Variants in TDRD10 observed in about 807,000 individuals in gnomAD.
TDRD10 encodes tudor domain-containing protein 10.
A neutral mutation model predicts 48.0 loss-of-function variants in TDRD10; 40 were observed. That is an observed-to-expected ratio of 0.83 (90% confidence interval 0.65 to 1.09). TDRD10 has a LOEUF of 1.09. Ranked by LOEUF, TDRD10 falls within the 50% of genes least tolerant of loss-of-function variation. The pLI, the probability that TDRD10 is intolerant of heterozygous loss-of-function variation, is 0.00. For synonymous variants in TDRD10, 162 were observed against 170.4 expected (o/e 0.95, Z 0.38); for missense variants, 378 against 434.7 (o/e 0.87, Z 1.16).
At chr1:154,504,512 T>C (rs1224734571) in intron 1 of TDRD10, among the ~76,000 whole-genome samples, 1 of 152,254 alleles carries the variant, frequency 6.6e-6, no homozygotes, top group Non-Finnish European at 1.5e-5. Context: ...TGTTTCTTCA[T>C]GTCCTCAATA....
intron 6 of TDRD10, among the ~76,000 whole-genome samples, chr1:154,523,879 G>A (rs925550493): frequency 1.3e-5 from 2 of 152,048 alleles, no homozygotes; most frequent in Non-Finnish European, 2.9e-5. Context: ...GACCTGTTTT[G>A]GAATTCTCTG....
chr1:154,524,005 C>T (rs1036846359), intron 6 of TDRD10, among the ~76,000 whole-genome samples: 2 of 152,068 alleles, frequency 1.3e-5, no homozygotes, highest in African/African-American at 4.8e-5. Context: ...TGGACTTTTT[C>T]ATCTTTTCAC....
intron 6 of TDRD10, among the ~76,000 whole-genome samples, chr1:154,540,317 G>C (rs1363645964): frequency 1.3e-5 from 2 of 151,940 alleles, no homozygotes; most frequent in Admixed American, 6.6e-5. Context: ...AGCTTGGCTT[G>C]CTGATGAATT....
In TDRD10 at chr1:154,544,486, C is replaced by T. The variant is rs1695440086; in HGVS notation, c.766C>T (p.His256Tyr). The T allele has an allele frequency of 6.2e-7, 1 of 1,613,722 alleles. No homozygotes were observed. Among genetic ancestry groups the T allele is most frequent in the Admixed American group, 1.7e-5 (1 of 59,978 alleles). Residue 256 changes from histidine to tyrosine, a missense_variant, in exon 10 of 13, where the codon CAC becomes TAC. By Grantham distance (83) the His-to-Tyr change is moderately conservative. Coordinates refer to ENST00000368482, the MANE Select transcript of TDRD10 (RefSeq NM_182499.4). ...MRGTRCLAEY[H>Y]LGDYGHAWNR... ...CGGGACTCGCTGTCTGGCAGAGTAC[C>T]ACCTGGGGGATTATGGACACGCCTG...
At chr1:154,532,747 C>G (rs1694704150) in intron 6 of TDRD10, among the ~76,000 whole-genome samples, 1 of 152,166 alleles carries the variant, frequency 6.6e-6, no homozygotes, top group South Asian at 2.1e-4. Context: ...TTGTATACAC[C>G]TTGTGTTTTA....
intron 6 of TDRD10, among the ~76,000 whole-genome samples, chr1:154,536,713 C>T (rs971267382): frequency 2.0e-5 from 3 of 152,164 alleles, no homozygotes; most frequent in South Asian, 2.1e-4. Flanking sequence ...TCCATCCTTT[C>T]GATGAGATGG....
intron 6 of TDRD10, among the ~76,000 whole-genome samples, chr1:154,541,182 A>G (rs558439458): frequency 6.6e-6 from 1 of 151,892 alleles, no homozygotes; most frequent in East Asian, 1.9e-4. Context: ...CGGGAGGGAG[A>G]CAGTGCTGGA....
At chr1:154,527,596 G>A (rs891978060) in intron 6 of TDRD10, among the ~76,000 whole-genome samples, 2 of 152,092 alleles carry the variant, frequency 1.3e-5, no homozygotes, top group Non-Finnish European at 2.9e-5. Flanking sequence ...TGTCCTACTG[G>A]ATATGATCTC....
chr1:154,532,486 C>T (rs1694687836), intron 6 of TDRD10, among the ~76,000 whole-genome samples: 1 of 152,178 alleles, frequency 6.6e-6, no homozygotes, highest in African/African-American at 2.4e-5. Flanking sequence ...CCGAGGGAGC[C>T]AGCTCTGGCC....
At chr1:154,544,285 G>A in intron 9 of TDRD10, 87 bp from the exon 10 acceptor site, 6 of 1,543,254 alleles carry the variant, frequency 3.9e-6, no homozygotes, top group Non-Finnish European at 4.4e-6. Flanking sequence ...GGACGGATTA[G>A]CGGTGCTAAC....
chr1:154,505,832 C>T (rs1369656668), intron 1 of TDRD10, among the ~76,000 whole-genome samples: 2 of 152,194 alleles, frequency 1.3e-5, no homozygotes, highest in Non-Finnish European at 1.5e-5. Flanking sequence ...AAAATAAACA[C>T]AATAGCTACC....
At chr1:154,543,902 C>T (rs907124847) in intron 8 of TDRD10, 61 bp from the exon 9 acceptor site, 9 of 1,597,578 alleles carry the variant, frequency 5.6e-6, no homozygotes, top group African/African-American at 2.7e-5. Context: ...TTGGTCCAGT[C>T]GTTCCTTTCC....
intron 4 of TDRD10, among the ~76,000 whole-genome samples, chr1:154,517,927 C>T (rs1344414994): frequency 6.6e-6 from 1 of 152,218 alleles, no homozygotes; most frequent in Non-Finnish European, 1.5e-5. Context: ...AGGGGACTGA[C>T]TTGCACTCCC....
intron 12 of TDRD10, 61 bp from the exon 13 acceptor site, chr1:154,547,617 G>T (rs374717360): frequency 6.8e-6 from 11 of 1,614,218 alleles, no homozygotes; most frequent in Non-Finnish European, 9.3e-6. Flanking sequence ...TATCTGAGGG[G>T]TTGGGTGAAC....
chr1:154,542,193 C>A, intron 7 of TDRD10, 127 bp downstream of exon 7: 1 of 892,664 alleles, frequency 1.1e-6, no homozygotes, highest in East Asian at 2.7e-5. Context: ...AGAAATATCC[C>A]TTTTCCCTTT....
intron 6 of TDRD10, among the ~76,000 whole-genome samples, chr1:154,540,768 T>C (rs1695183208): frequency 6.6e-6 from 1 of 152,068 alleles, no homozygotes; most frequent in Non-Finnish European, 1.5e-5. Flanking sequence ...GGAGATGGCC[T>C]TGGAGAGAAG....
At chr1:154,538,547 T>C (rs559391033) in intron 6 of TDRD10, among the ~76,000 whole-genome samples, 167 of 53,532 alleles carry the variant, frequency 3.1e-3, no homozygotes, top group Middle Eastern at 0.014. Flanking sequence ...CGAAACTCTA[T>C]CTCAAAAAAA....
chr1:154,508,063 TGGGAAGGCAG>T (rs1693248192), intron 3 of TDRD10, among the ~76,000 whole-genome samples: 1 of 152,216 alleles, frequency 6.6e-6, no homozygotes, highest in South Asian at 2.1e-4. Flanking sequence ...GATCCCCTGC[TGGGAAGGCAG>T]GGGTATGCAT....
Position 154,544,456 on chromosome 1 carries a change from A to T in TDRD10, c.736A>T (p.Met246Leu), listed in dbSNP as rs756356929. The change falls in exon 10 of 13, where the codon ATG (methionine) becomes TTG (leucine). Residue 246 changes from methionine to leucine, a missense_variant. Physicochemically the swap from Met to Leu is conservative, Grantham distance 15 (BLOSUM62 2). Transcript: ENST00000368482. Reference sequence around the variant, plus strand: ...GCCCTACCTGGAGGGCTCCACCGTTATGCGCGGGACTCGCTGTCTGGCAGA... The same window carrying T: ...GCCCTACCTGGAGGGCTCCACCGTTTTGCGCGGGACTCGCTGTCTGGCAGA... ...QQPYLEGSTV[M>L]RGTRCLAEYH... 6.2e-7 allele frequency: 1 copy of T among 1,613,020 alleles called. No individual in the cohort carries two copies. Among genetic ancestry groups the T allele is most frequent in the African/African-American group, 1.3e-5 (1 of 75,030 alleles).
Sources: allele counts gnomAD v4.1 joint callset (sites outside exome capture counted in the v4.1 genomes callset), GRCh38; gene constraint gnomAD v4.1.1; transcripts MANE v1.5; gene names NCBI Gene and HGNC (gene_info 2026-07-23, HGNC 2026-07-21).